Variants in PBX1 observed in about 807,000 individuals in gnomAD.
The protein encoded by PBX1 is pre-B-cell leukemia transcription factor 1.
In PBX1, 6 loss-of-function variants were observed where a neutral mutation model predicts 53.4. The observed-to-expected ratio is 0.11, with a 90% CI of 0.06 to 0.22. The LOEUF is 0.22. Among genes scored for constraint, PBX1 ranks in the 10% least tolerant of loss-of-function variants. PBX1 has a pLI of 1.00. For synonymous variants in PBX1, 204 were observed against 212.3 expected (o/e 0.96, Z 0.34); for missense variants, 251 against 551.4 (o/e 0.46, Z 5.46).
chr1:164,626,825 C>A (rs952588896), intron 2 of PBX1, among the ~76,000 whole-genome samples: 1 of 152,142 alleles, frequency 6.6e-6, no homozygotes, highest in African/African-American at 2.4e-5. Context: ...CCCCATCATG[C>A]CTGCAGGTTC....
chr1:164,652,793 C>T (rs931946497), intron 2 of PBX1, among the ~76,000 whole-genome samples: 1 of 152,052 alleles, frequency 6.6e-6, no homozygotes, highest in African/African-American at 2.4e-5. Context: ...CTTTATCACC[C>T]TGGAAAGTTT....
At chr1:164,594,254 A>G (rs1333867807) in intron 2 of PBX1, among the ~76,000 whole-genome samples, 1 of 152,130 alleles carries the variant, frequency 6.6e-6, no homozygotes, top group African/African-American at 2.4e-5. Context: ...TGCAACAGAG[A>G]CTTGGGAGAT....
intron 2 of PBX1, among the ~76,000 whole-genome samples, chr1:164,774,816 C>T (rs1241440797): frequency 6.6e-6 from 1 of 152,170 alleles, no homozygotes; most frequent in African/African-American, 2.4e-5. Flanking sequence ...TGTTCGTCCC[C>T]TGTAGGTACA....
At chr1:164,626,234 A>G (rs1658033355) in intron 2 of PBX1, 1 of 423,524 alleles carries the variant, frequency 2.4e-6, no homozygotes. Flanking sequence ...GATGGCAGAA[A>G]TACGGTATTT....
At chr1:164,758,868 C>T (rs577436783) in intron 2 of PBX1, among the ~76,000 whole-genome samples, 3 of 152,152 alleles carry the variant, frequency 2.0e-5, no homozygotes, top group Non-Finnish European at 2.9e-5. Context: ...TCACTAAATA[C>T]TTGCTGAATT....
chr1:164,604,677 CA>C lies in PBX1; in HGVS notation c.265+41367del, dbSNP rs1349861103. 5.9e-5 allele frequency among the ~76,000 whole-genome samples: 9 copies of C among 152,154 alleles called. No homozygotes were observed. The South Asian group carries it at 1.0e-3, about 18-fold the overall frequency. On this transcript the variant is annotated intron_variant, in intron 2 of 8. Coordinates refer to ENST00000420696, the MANE Select transcript of PBX1 (RefSeq NM_002585.4). ...ATCAAAATAGTCATAAAGGACTTGGCAGACAAAATGAACTGCTAGAGAAGAC... is the reference window on the plus strand; with the variant it reads ...ATCAAAATAGTCATAAAGGACTTGGCGACAAAATGAACTGCTAGAGAAGAC...
At chr1:164,721,656 C>T (rs937085428) in intron 2 of PBX1, among the ~76,000 whole-genome samples, 7 of 152,166 alleles carry the variant, frequency 4.6e-5, no homozygotes. Flanking sequence ...CCAGAAGGTT[C>T]ACCCATGTTC....
At chr1:164,841,560 A>G (rs556138963) in intron 8 of PBX1, among the ~76,000 whole-genome samples, 6 of 152,270 alleles carry the variant, frequency 3.9e-5, no homozygotes, top group African/African-American at 1.4e-4. Context: ...CCACTGTAAA[A>G]TTCCCCAGGA....
intron 2 of PBX1, among the ~76,000 whole-genome samples, chr1:164,745,706 C>G (rs1281522741): frequency 6.6e-6 from 1 of 152,246 alleles, no homozygotes; most frequent in Non-Finnish European, 1.5e-5. Flanking sequence ...AGAGAATTTA[C>G]TCCTGCTCTG....
intron 2 of PBX1, among the ~76,000 whole-genome samples, chr1:164,591,790 T>C (rs1184634739): frequency 6.6e-6 from 1 of 152,342 alleles, no homozygotes; most frequent in Middle Eastern, 3.4e-3. Flanking sequence ...GAGAGATCCA[T>C]GCCCTACCCT....
At chr1:164,761,594 G>A (rs995318630) in intron 2 of PBX1, among the ~76,000 whole-genome samples, 6 of 152,172 alleles carry the variant, frequency 3.9e-5, no homozygotes, top group Non-Finnish European at 7.4e-5. Flanking sequence ...ACAGGTGCGC[G>A]CCACCATGCC....
chr1:164,725,382 C>T (rs965269966), intron 2 of PBX1, among the ~76,000 whole-genome samples: 1 of 152,118 alleles, frequency 6.6e-6, no homozygotes, highest in African/African-American at 2.4e-5. Flanking sequence ...TAACCAGAAA[C>T]GCTAGGAGGA....
chr1:164,811,609 G>C (rs1275568752), intron 5 of PBX1, among the ~76,000 whole-genome samples: 2 of 152,200 alleles, frequency 1.3e-5, no homozygotes, highest in Non-Finnish European at 2.9e-5. Context: ...CATCAAGCCA[G>C]CTTTCACATT....
intron 2 of PBX1, among the ~76,000 whole-genome samples, chr1:164,673,900 A>G (rs752266818): frequency 1.5e-4 from 23 of 152,150 alleles, no homozygotes; most frequent in Non-Finnish European, 1.3e-4. Context: ...CAAAAGCACA[A>G]TGATAGCTGC....
chr1:164,853,699 G>A (rs568592528), downstream of PBX1, among the ~76,000 whole-genome samples: 3 of 152,128 alleles, frequency 2.0e-5, no homozygotes, highest in East Asian at 1.9e-4. Flanking sequence ...GCTGCAGTAC[G>A]TTAGGGCCAC....
intron 2 of PBX1, among the ~76,000 whole-genome samples, chr1:164,632,329 G>C (rs1244572980): frequency 6.6e-6 from 1 of 152,052 alleles, no homozygotes; most frequent in Non-Finnish European, 1.5e-5. Flanking sequence ...TTATTATGCA[G>C]TTTCTTCTTA....
intron 6 of PBX1, 100 bp from the exon 7 acceptor site, chr1:164,819,972 G>A (rs943477886): frequency 2.0e-5 from 14 of 684,638 alleles, no homozygotes; most frequent in African/African-American, 1.1e-4. Context: ...TTTTATTTGG[G>A]GGGGGTTGCT....
rs552110977 is a variant in PBX1, at chr1:164,712,646, C to A, written c.266-79848C>A. On this transcript the variant is annotated intron_variant, in intron 2 of 8. Coordinates refer to ENST00000420696, the MANE Select transcript of PBX1 (RefSeq NM_002585.4). ...GTGAGGTGGAGGGGGATGTTAATCA[C>A]CATGAGAGGCAGAGGGTCAGCCCAG... 7.9e-5 allele frequency among the ~76,000 whole-genome samples: 12 copies of A among 152,256 alleles called. No homozygotes were observed. In the South Asian group the frequency reaches 2.3e-3, roughly 29 times the overall value.
intron 4 of PBX1, among the ~76,000 whole-genome samples, chr1:164,800,519 G>T (rs1348630220): frequency 2.0e-5 from 3 of 152,178 alleles, no homozygotes; most frequent in Admixed American, 6.5e-5. Context: ...AGAAACCATG[G>T]ATAGAAAGGA....
Sources: gnomAD v4.1 joint callset for allele counts (sites outside exome capture counted in the v4.1 genomes callset) on GRCh38, gnomAD v4.1.1 for gene constraint, MANE v1.5 for transcripts, NCBI Gene and HGNC (gene_info 2026-07-23, HGNC 2026-07-21) for gene names.